Variants in PFKM observed in about 807,000 individuals in gnomAD.
PFKM encodes phosphofructokinase, muscle, also known as ATP-dependent 6-phosphofructokinase, muscle type.
Under a neutral mutation model 95.5 loss-of-function variants are expected in PFKM, and 58 were observed. The ratio of observed to expected loss-of-function variants is 0.61; its 90% CI spans 0.49 to 0.76. The LOEUF is 0.76. PFKM is among the 30% of genes least tolerant of loss of function. The probability of loss-of-function intolerance (pLI) is 0.00; values close to 1 mark genes in which losing one functional copy is unlikely to be tolerated. For synonymous variants in PFKM, 336 were observed against 357.2 expected (o/e 0.94, Z 0.67); for missense variants, 678 against 1,005.4 (o/e 0.67, Z 4.40).
At chr12:48,114,050 C>T (rs1199551977) in intron 3 of PFKM, among the ~76,000 whole-genome samples, 2 of 152,140 alleles carry the variant, frequency 1.3e-5, no homozygotes, top group Non-Finnish European at 2.9e-5. Context: ...GTAGTCTCGC[C>T]TAGCTATATC....
At chr12:48,133,547 C>T in intron 6 of PFKM, 67 bp downstream of exon 6, 4 of 1,402,514 alleles carry the variant, frequency 2.9e-6, no homozygotes, top group Non-Finnish European at 4.0e-6. Flanking sequence ...GGGCTAGAAG[C>T]TCCTGAAGAC....
intron 14 of PFKM, 106 bp downstream of exon 14, chr12:48,140,977 TC>T (rs1950534900): frequency 8.2e-7 from 1 of 1,216,660 alleles, no homozygotes; most frequent in Non-Finnish European, 1.2e-6. Flanking sequence ...TACCTCTCTC[TC>T]CTCTCTCAGG....
intron 3 of PFKM, among the ~76,000 whole-genome samples, chr12:48,111,836 T>G (rs572546298): frequency 5.6e-4 from 85 of 152,122 alleles, no homozygotes; most frequent in Admixed American, 2.4e-3. Context: ...AATTGTGGGA[T>G]ACTCAACAAA....
intron 12 of PFKM, 112 bp from the exon 13 acceptor site, chr12:48,139,737 G>T: frequency 1.3e-6 from 1 of 775,572 alleles, no homozygotes; most frequent in Non-Finnish European, 2.3e-6. Flanking sequence ...GTCCTCAGAG[G>T]TTTGCCCTAT....
intron 17 of PFKM, 130 bp downstream of exon 17, chr12:48,142,196 G>A (rs1950633177): frequency 2.0e-6 from 2 of 980,354 alleles, no homozygotes; most frequent in Non-Finnish European, 3.2e-6. Flanking sequence ...TCTTCAGCTG[G>A]GCATGGTGGC....
At chr12:48,105,973 C>T (rs1946539863) in exon 1 of PFKM, 2 of 699,582 alleles carry the variant, frequency 2.9e-6, no homozygotes, top group Non-Finnish European at 5.2e-6. Flanking sequence ...ACACAGTCTC[C>T]TGGACCAGGC....
chr12:48,134,812 T>C lies in PFKM; in HGVS notation c.730T>C (p.Cys244Arg), dbSNP rs1250581876. 2 of 1,613,886 alleles carry C rather than the reference T, an allele frequency of 1.2e-6. No homozygotes were observed. Among genetic ancestry groups the C allele is most frequent in the Non-Finnish European group, 1.7e-6 (2 of 1,179,740 alleles). Residue 244 changes from cysteine to arginine, a missense_variant, in exon 8 of 23, where the codon TGT becomes CGT. Transcript: ENST00000359794. ...PPDDDWEEHL[C>R]RRLSETRTRG... The stretch of plus-strand genomic sequence containing the variant: ...AGATGACGACTGGGAGGAACACCTT[T>C]GTCGCCGACTCAGCGAGGTACTTGC...
At chr12:48,117,427 C>T (rs1267043700), upstream of PFKM, among the ~76,000 whole-genome samples, 1 of 152,236 alleles carries the variant, frequency 6.6e-6, no homozygotes, top group Non-Finnish European at 1.5e-5. Flanking sequence ...TCTACAGTGA[C>T]TGTACCATTG....
rs1343293299 is a variant in PFKM at position 48,145,879 on chromosome 12, G to A, written c.*171G>A. ...AGCTGGAGGAGCAGGCAGTGGGTGG[G>A]AGCTCCTTTTAGGTAGAATTTAACA... is the stretch of plus-strand genomic sequence containing the variant. On this transcript the variant is annotated 3_prime_UTR_variant, in exon 23 of 23. Transcript: ENST00000359794. The surrounding 1 kb of genome is among the most constrained non-coding windows in gnomAD (Gnocchi z 4.3). 4.5e-6 allele frequency: 3 copies of A among 663,060 alleles called. No individual in the cohort carries two copies. The highest frequency in any genetic ancestry group is 2.6e-5 in the Admixed American group (1 of 38,432). 41.1% of individuals were successfully genotyped at this position (663,060 alleles called of 1,614,324 possible).
chr12:48,137,522 G>C, intron 10 of PFKM, 199 bp from the exon 11 acceptor site: 1 of 621,812 alleles, frequency 1.6e-6, no homozygotes, highest in South Asian at 1.9e-5. Flanking sequence ...TTGGGGTTCC[G>C]ATGGCAAGAA....
At chr12:48,143,999 T>C in intron 19 of PFKM, 47 bp from the exon 20 acceptor site, 3 of 1,359,202 alleles carry the variant, frequency 2.2e-6, no homozygotes, top group Non-Finnish European at 3.2e-6. Flanking sequence ...AAATGGGGGA[T>C]GGGAAGCCAA....
rs778817129 is a variant in PFKM at position 48,137,780 on chromosome 12, A to G, written c.996A>G (p.Pro332=). ...TTTTGGAGGGGACCCCAGATACCCC[A>G]GCCTGTGTAGTGAGCCTCTCTGGTA... ...MALLEGTPDT[P]ACVVSLSGNQ... Residue 332 remains proline, a synonymous_variant, in exon 11 of 23, where the codon CCA becomes CCG. Transcript: ENST00000359794. The G allele has an allele frequency of 3.7e-6, 6 of 1,614,036 alleles. No individual in the cohort carries two copies. The Admixed American group carries it at 8.3e-5, about 22-fold the overall frequency.
At chr12:48,105,468 G>A (rs1409936940), upstream of PFKM, 2 of 518,892 alleles carry the variant, frequency 3.9e-6, no homozygotes, top group African/African-American at 1.9e-5. Flanking sequence ...TGAGCAGGAG[G>A]GTCCAGACGT....
chr12:48,123,084 G>A (rs970782708), intron 2 of PFKM, among the ~76,000 whole-genome samples: 1 of 152,128 alleles, frequency 6.6e-6, no homozygotes, highest in Non-Finnish European at 1.5e-5. Context: ...TGAAGACAGG[G>A]GGCTCTTTTG....
chr12:48,139,824 C>T, intron 12 of PFKM, 25 bp from the exon 13 acceptor site: 2 of 1,534,408 alleles, frequency 1.3e-6, no homozygotes, highest in Non-Finnish European at 9.0e-7. Flanking sequence ...CTGAAGACAC[C>T]TCTCTCTATT....
Position 48,145,486 on chromosome 12 carries a change from C to A in PFKM, c.2199-78C>A, listed in dbSNP as rs1950966334. ...CCTAAATCTAACCTCTTCTGTCTAA[C>A]TTCTTCCTATAAACCTTTGGTAGAA... On this transcript the variant is annotated intron_variant, in intron 22 of 22. Coordinates refer to ENST00000359794, the MANE Select transcript of PFKM (RefSeq NM_000289.6). The surrounding 1 kb of genome is among the most constrained non-coding windows in gnomAD (Gnocchi z 4.3). 6.4e-7 allele frequency: 1 copy of A among 1,563,546 alleles called. No individual in the cohort carries two copies. Among genetic ancestry groups the A allele is most frequent in the East Asian group, 2.2e-5 (1 of 44,510 alleles).
intron 6 of PFKM, 142 bp from the exon 7 acceptor site, chr12:48,134,090 T>C: frequency 1.3e-6 from 1 of 779,908 alleles, no homozygotes; most frequent in Non-Finnish European, 2.4e-6. Flanking sequence ...TTCCCCTAGG[T>C]CTTCCTGGTC....
At chr12:48,129,435 C>T (rs1285027397) in intron 2 of PFKM, among the ~76,000 whole-genome samples, 3 of 151,808 alleles carry the variant, frequency 2.0e-5, no homozygotes, top group African/African-American at 7.3e-5. Flanking sequence ...TCCCCATAAA[C>T]ATCTTATATA....
chr12:48,141,301 A>T lies in PFKM; in HGVS notation c.1342-10A>T, dbSNP rs773370472. The T allele has an allele frequency of 6.2e-7, 1 of 1,613,102 alleles. No homozygotes were observed. Among genetic ancestry groups the T allele is most frequent in the Non-Finnish European group, 8.5e-7 (1 of 1,179,076 alleles). ...AGCCTTGTGCAGAGCTCTGTGGCTT[A>T]TCCCCACAGATAGAGGAAGCTGGCT... is the stretch of plus-strand genomic sequence containing the variant. On this transcript the variant is annotated splice_polypyrimidine_tract_variant and intron_variant, in intron 14 of 22. Transcript: ENST00000359794.
Sources: gnomAD v4.1 joint callset for allele counts (sites outside exome capture counted in the v4.1 genomes callset) on GRCh38, gnomAD v4.1.1 for gene constraint, Gnocchi (gnomAD v3.1) non-coding constraint, MANE v1.5 for transcripts, NCBI Gene and HGNC (gene_info 2026-07-23, HGNC 2026-07-21) for gene names.